Variants in CARMIL1 observed in about 807,000 individuals in gnomAD.
CARMIL1 encodes the protein F-actin-uncapping protein LRRC16A.
In CARMIL1, 90 loss-of-function variants were observed where a neutral mutation model predicts 177.1. The observed-to-expected ratio is 0.51, with a 90% CI of 0.43 to 0.61. CARMIL1 has a LOEUF of 0.61. CARMIL1 is among the 20% of genes least tolerant of loss of function. CARMIL1 has a pLI of 0.00. For missense variants in CARMIL1, 1,380 were observed against 1,667.0 expected (o/e 0.83, Z 3.00); for synonymous variants, 577 against 606.2 (o/e 0.95, Z 0.71).
Position 25,311,936 on chromosome 6 carries a change from A to G in CARMIL1, c.138+27027A>G, listed in dbSNP as rs200989182. On this transcript the variant is annotated intron_variant, in intron 2 of 36. Coordinates refer to ENST00000329474, the MANE Select transcript of CARMIL1 (RefSeq NM_017640.6). Reference sequence around the variant, plus strand: ...TAGCCGCCTGTCAAACTGCTGGGACATTATTTTTCTCTTAGTCAATAAAAG... The same window carrying G: ...TAGCCGCCTGTCAAACTGCTGGGACGTTATTTTTCTCTTAGTCAATAAAAG... 6.6e-5 allele frequency among the ~76,000 whole-genome samples: 10 copies of G among 152,352 alleles called. No individual in the cohort carries two copies. In the East Asian group the frequency reaches 1.3e-3, roughly 21 times the overall value.
At chr6:25,349,471 C>A (rs1299628553) in intron 2 of CARMIL1, among the ~76,000 whole-genome samples, 1 of 152,186 alleles carries the variant, frequency 6.6e-6, no homozygotes, top group East Asian at 1.9e-4. Flanking sequence ...ACATTCTGAT[C>A]CAGGGGCTAC....
intron 9 of CARMIL1, among the ~76,000 whole-genome samples, chr6:25,467,408 C>T (rs1020087055): frequency 6.6e-6 from 1 of 152,206 alleles, no homozygotes; most frequent in Non-Finnish European, 1.5e-5. Context: ...CAATGGTTTG[C>T]TACCATGTCA....
At position 25,577,012 on chromosome 6, in the gene CARMIL1, C is replaced by T; in HGVS notation, c.2743-3912C>T. ...TACAAGTGTAAGTATTTTTTGGTGG[C>T]TCTGCGGTTTCTGGCTGTACTACTT... On this transcript the variant is annotated intron_variant, in intron 29 of 36. Transcript: ENST00000329474. The surrounding 1 kb of genome is among the most constrained non-coding windows in gnomAD (Gnocchi z 4.5). 1.0e-6 allele frequency: 1 copy of T among 985,192 alleles called. No homozygotes were observed. Among genetic ancestry groups the T allele is most frequent in the Non-Finnish European group, 1.2e-6 (1 of 829,876 alleles). 61.0% of individuals were successfully genotyped at this position (985,192 alleles called of 1,614,324 possible).
At chr6:25,616,426 C>T (rs1476821486) in intron 36 of CARMIL1, among the ~76,000 whole-genome samples, 2 of 151,936 alleles carry the variant, frequency 1.3e-5, no homozygotes, top group Non-Finnish European at 2.9e-5. Context: ...AAAAAATTAG[C>T]TGGGTGTGGT....
rs192643074 is a variant in CARMIL1, at chr6:25,529,697, G to A, written c.2067+804G>A. Among the ~76,000 whole-genome samples the A allele has an allele frequency of 2.1e-3, 94 of 44,860 alleles. 2 individuals are homozygous for A. Among genetic ancestry groups the A allele is most frequent in the Non-Finnish European group, 4.1e-3 (85 of 20,928 alleles). The allele number at this position is 44,860 out of a possible 152,430, so 29.4% of individuals were successfully genotyped here. On this transcript the variant is annotated intron_variant, in intron 24 of 36. Transcript: ENST00000329474. ...CGGGAAGCGGAGCTTGCCGTGAGCCGAGATTGCGCCACTGCAGTCCGCAGT... is the reference window on the plus strand; with the variant it reads ...CGGGAAGCGGAGCTTGCCGTGAGCCAAGATTGCGCCACTGCAGTCCGCAGT...
At chr6:25,517,289 A>G (rs1806096084) in intron 21 of CARMIL1, 58 bp from the exon 22 acceptor site, 6 of 1,305,986 alleles carry the variant, frequency 4.6e-6, no homozygotes, top group African/African-American at 2.9e-5. Flanking sequence ...TTTATATTCA[A>G]TGTGAGAATC....
intron 29 of CARMIL1, among the ~76,000 whole-genome samples, chr6:25,557,906 C>A (rs573060869): frequency 6.6e-6 from 1 of 152,212 alleles, no homozygotes; most frequent in African/African-American, 2.4e-5. Flanking sequence ...ACAAGGAGAA[C>A]AGCAAAGAAA....
chr6:25,596,190 T>A lies in CARMIL1; in HGVS notation c.3119+1663T>A, dbSNP rs976272154. On this transcript the variant is annotated intron_variant, in intron 32 of 36. Coordinates refer to ENST00000329474, the MANE Select transcript of CARMIL1 (RefSeq NM_017640.6). ...TGTAAGGTATAAAATATATTTTTTTTATAAAGATACTGCTCAAGGAAGATT... is the reference window on the plus strand; with the variant it reads ...TGTAAGGTATAAAATATATTTTTTTAATAAAGATACTGCTCAAGGAAGATT... Among the ~76,000 whole-genome samples the A allele has an allele frequency of 4.3e-5, 5 of 115,338 alleles. No homozygotes were observed. The East Asian group carries it at 1.9e-3, about 44-fold the overall frequency. The allele number at this position is 115,338 out of a possible 152,430, so 75.7% of individuals were successfully genotyped here. A position where few individuals can be genotyped will look rare whatever the true frequency, so the allele number is the denominator to read the frequency against.
chr6:25,354,522 T>C (rs1562025818), intron 2 of CARMIL1, among the ~76,000 whole-genome samples: 3 of 151,952 alleles, frequency 2.0e-5, no homozygotes, highest in Non-Finnish European at 4.4e-5. Flanking sequence ...GAGAGAGGAT[T>C]GCCCCTTCAT....
intron 2 of CARMIL1, among the ~76,000 whole-genome samples, chr6:25,306,189 C>A (rs888676722): frequency 6.6e-6 from 1 of 152,026 alleles, no homozygotes. Flanking sequence ...TTATATAATA[C>A]GTGGCCTTTT....
Position 25,435,324 on chromosome 6 carries a change from G to A in CARMIL1, c.250-159G>A, listed in dbSNP as rs76448003. Among the ~76,000 whole-genome samples the A allele has an allele frequency of 0.011, 1,714 of 152,130 alleles. 52 individuals carry two copies. In the East Asian group the frequency reaches 0.13, roughly 11 times the overall value. ...GGGTGATGGTTGGGTGTTCACGCACGTATGTGAGATGTGCTACCCTCGAAC... is the reference window on the plus strand; with the variant it reads ...GGGTGATGGTTGGGTGTTCACGCACATATGTGAGATGTGCTACCCTCGAAC... On this transcript the variant is annotated intron_variant, in intron 4 of 36. Transcript: ENST00000329474.
At chr6:25,612,540 C>T (rs759325028) in intron 36 of CARMIL1, 8 of 158,854 alleles carry the variant, frequency 5.0e-5, no homozygotes, top group Non-Finnish European at 9.4e-5. Context: ...TCATTTTGCA[C>T]GACATTTCCA....
rs542650865 is a variant in CARMIL1, at chr6:25,311,579, C to T, written c.138+26670C>T. ...AGCATTAGATGGAGATCTGTAAAAG[C>T]TGTTAAGCCCCAGTTCCCACCCCCA... On this transcript the variant is annotated intron_variant, in intron 2 of 36. Coordinates refer to ENST00000329474, the MANE Select transcript of CARMIL1 (RefSeq NM_017640.6). Among the ~76,000 whole-genome samples, 29 of 152,246 alleles carry T rather than the reference C, an allele frequency of 1.9e-4. 1 individual carries two copies. In the East Asian group the frequency reaches 5.2e-3, roughly 27 times the overall value.
At chr6:25,323,683 C>T (rs2150247512) in intron 2 of CARMIL1, among the ~76,000 whole-genome samples, 1 of 152,254 alleles carries the variant, frequency 6.6e-6, no homozygotes, top group South Asian at 2.1e-4. Flanking sequence ...TTCTATGGTT[C>T]CTGGTTACTT....
intron 29 of CARMIL1, among the ~76,000 whole-genome samples, chr6:25,560,384 T>C (rs917760344): frequency 6.6e-6 from 1 of 152,144 alleles, no homozygotes; most frequent in African/African-American, 2.4e-5. Flanking sequence ...TTACAGCCTG[T>C]GTCTACTCTC....
At chr6:25,299,095 G>T (rs891727177) in intron 2 of CARMIL1, among the ~76,000 whole-genome samples, 6 of 151,210 alleles carry the variant, frequency 4.0e-5, no homozygotes, top group African/African-American at 1.5e-4. Flanking sequence ...GGGGTGCAGG[G>T]TGCATTATCT....
At chr6:25,359,619 G>C (rs865783852) in intron 2 of CARMIL1, among the ~76,000 whole-genome samples, 12 of 152,232 alleles carry the variant, frequency 7.9e-5, no homozygotes, top group South Asian at 2.1e-4. Context: ...TTGTGCTCCA[G>C]TGACATGCTA....
At chr6:25,349,208 T>C (rs73399971) in intron 2 of CARMIL1, among the ~76,000 whole-genome samples, 17,512 of 152,214 alleles carry the variant, frequency 0.12, 1,137 homozygotes, top group African/African-American at 0.18. Context: ...CACACACGCA[T>C]TCTCTCAATC....
intron 23 of CARMIL1, among the ~76,000 whole-genome samples, chr6:25,523,366 A>G (rs1806766639): frequency 6.6e-6 from 1 of 152,188 alleles, no homozygotes; most frequent in Non-Finnish European, 1.5e-5. Flanking sequence ...ACTATTTTAA[A>G]TGTTTTACAT....
Sources: allele counts gnomAD v4.1 joint callset (sites outside exome capture counted in the v4.1 genomes callset), GRCh38; gene constraint gnomAD v4.1.1; non-coding constraint Gnocchi (gnomAD v3.1); transcripts MANE v1.5; gene names NCBI Gene and HGNC (gene_info 2026-07-23, HGNC 2026-07-21).